Variants in NAA38 observed in about 807,000 individuals in gnomAD.
NAA38 encodes LSM domain containing 1.
NAA38 carries 15 observed loss-of-function variants against 12.6 expected under a neutral mutation model. The observed-to-expected ratio is 1.19, with a 90% CI of 0.79 to 1.83. The LOEUF is 1.83. Ranked by LOEUF, NAA38 falls within the 40% of genes most tolerant of loss-of-function variation. The pLI is 0.00. For missense variants in NAA38, 183 were observed against 171.7 expected (o/e 1.07, Z -0.37); for synonymous variants, 88 against 69.9 (o/e 1.26, Z -1.29).
intron 2 of NAA38, among the ~76,000 whole-genome samples, chr17:7,867,364 G>A (rs1401985032): frequency 6.6e-6 from 1 of 152,002 alleles, no homozygotes; most frequent in African/African-American, 2.4e-5. Context: ...TTGAGATGGA[G>A]TCTTGCTCTT....
upstream of NAA38, chr17:7,858,560 G>C: frequency 6.2e-7 from 1 of 1,611,768 alleles, no homozygotes; most frequent in South Asian, 1.1e-5. Context: ...GCTAGCCAGA[G>C]CCTAATGGCT....
intron 2 of NAA38, among the ~76,000 whole-genome samples, chr17:7,869,835 C>T (rs374176604): frequency 1.5e-4 from 23 of 152,072 alleles, no homozygotes; most frequent in African/African-American, 5.3e-4. Context: ...GGCCCAAGAG[C>T]AAGTGAAGGG....
chr17:7,885,049 A>C (rs564008487), intron 1 of NAA38: 112 of 1,019,372 alleles, frequency 1.1e-4, no homozygotes, highest in Non-Finnish European at 1.3e-4. Flanking sequence ...CGCCGCCGCC[A>C]CCGCTGCCCC....
At chr17:7,881,516 G>A (rs1967272022) in intron 2 of NAA38, among the ~76,000 whole-genome samples, 1 of 151,904 alleles carries the variant, frequency 6.6e-6, no homozygotes, top group Non-Finnish European at 1.5e-5. Flanking sequence ...AGGCAAAGGG[G>A]TTACTGAGAG....
intron 1 of NAA38, chr17:7,885,061 G>A: frequency 1.0e-6 from 1 of 954,236 alleles, no homozygotes; most frequent in Non-Finnish European, 1.2e-6. Flanking sequence ...CGCTGCCCCC[G>A]CCGCCGCCGC....
At chr17:7,880,328 C>G (rs1328349009) in intron 2 of NAA38, among the ~76,000 whole-genome samples, 1 of 150,132 alleles carries the variant, frequency 6.7e-6, no homozygotes, top group Non-Finnish European at 1.5e-5. Flanking sequence ...TGGAGAGACA[C>G]AAAGATAGAG....
At chr17:7,858,356 G>T (rs374328082), upstream of NAA38, 10 of 1,613,972 alleles carry the variant, frequency 6.2e-6, no homozygotes, top group Non-Finnish European at 8.5e-6. Context: ...CGTTTGCCTG[G>T]TTCTCGAAGG....
At chr17:7,866,232 GC>G (rs1222528450) in intron 3 of NAA38, 5 of 246,490 alleles carry the variant, frequency 2.0e-5, no homozygotes, top group Non-Finnish European at 3.8e-5. Flanking sequence ...GACTACAGAT[GC>G]CCGCCACCAA....
At chr17:7,857,993 G>GC, upstream of NAA38, 1 of 1,501,138 alleles carries the variant, frequency 6.7e-7, no homozygotes, top group Non-Finnish European at 8.8e-7. Flanking sequence ...GACGGTGGCC[G>GC]GAAAAGGACA....
At chr17:7,859,972 T>C, upstream of NAA38, 1 of 233,516 alleles carries the variant, frequency 4.3e-6, no homozygotes, top group South Asian at 6.7e-5. Context: ...AAATGAGATG[T>C]CTGCAGGAAG....
At chr17:7,874,703 T>C (rs1032293640) in intron 2 of NAA38, among the ~76,000 whole-genome samples, 3 of 150,896 alleles carry the variant, frequency 2.0e-5, no homozygotes, top group Non-Finnish European at 2.9e-5. Flanking sequence ...CTGGCCAACA[T>C]GGTGAAACCC....
chr17:7,881,080 C>G (rs1200807240), intron 2 of NAA38, among the ~76,000 whole-genome samples: 1 of 151,990 alleles, frequency 6.6e-6, no homozygotes, highest in Non-Finnish European at 1.5e-5. Flanking sequence ...AGCAAGCAAG[C>G]AAAAAGACTT....
Position 7,884,478 on chromosome 17 carries a change from G to GTA in NAA38, c.-167+685_-167+686dup, listed in dbSNP as rs1298787817. ...TATACATATATATATATATATATAT[G>GTA]TATATATATATATATTTTAAATCCC... On this transcript the variant is annotated intron_variant, in intron 1 of 4. Transcript: ENST00000576861. Among the ~76,000 whole-genome samples the GTA allele has an allele frequency of 4.5e-3, 471 of 105,346 alleles. 2 individuals are homozygous for GTA. The highest frequency in any genetic ancestry group is 7.7e-3 in the Admixed American group (78 of 10,160). 69.1% of individuals were successfully genotyped at this position (105,346 alleles called of 152,430 possible).
At chr17:7,884,868 A>G in intron 1 of NAA38, 3 of 1,260,332 alleles carry the variant, frequency 2.4e-6, no homozygotes, top group Non-Finnish European at 3.2e-6. Flanking sequence ...TCGGAGGAGG[A>G]AGAAGAGGAG....
Position 7,882,259 on chromosome 17 carries a change from G to A in NAA38, c.-66+976C>T, listed in dbSNP as rs377764290. Among the ~76,000 whole-genome samples, 41 of 152,216 alleles carry A rather than the reference G, an allele frequency of 2.7e-4. No individual in the cohort carries two copies. The South Asian group carries it at 7.5e-3, about 28-fold the overall frequency. On this transcript the variant is annotated intron_variant, in intron 2 of 4. Transcript: ENST00000576861. ...GAGGGCACAGAGGCAGAGAGGCTGCGGCGCACATGATGCGCAGTGTGGCCC... is the reference window on the plus strand; with the variant it reads ...GAGGGCACAGAGGCAGAGAGGCTGCAGCGCACATGATGCGCAGTGTGGCCC...
At chr17:7,857,977 T>G, upstream of NAA38, 1 of 1,487,034 alleles carries the variant, frequency 6.7e-7, no homozygotes, top group Admixed American at 2.4e-5. Flanking sequence ...GATATTTATC[T>G]CAGTGGACGG....
intron 1 of NAA38, among the ~76,000 whole-genome samples, chr17:7,883,673 C>T (rs2151396226): frequency 6.6e-6 from 1 of 152,106 alleles, no homozygotes; most frequent in East Asian, 1.9e-4. Flanking sequence ...AATCCAGTCC[C>T]GCTTCTCATT....
At chr17:7,858,731 G>T, upstream of NAA38, 1 of 1,607,242 alleles carries the variant, frequency 6.2e-7, no homozygotes, top group Non-Finnish European at 8.5e-7. Context: ...AGCCCTGGTG[G>T]CAGGGGTCGT....
intron 2 of NAA38, among the ~76,000 whole-genome samples, chr17:7,869,234 G>A (rs1967042000): frequency 6.6e-6 from 1 of 152,160 alleles, no homozygotes. Flanking sequence ...TTTTACAGAT[G>A]GAGGAGCTGA....
Sources: gnomAD v4.1 joint callset for allele counts (sites outside exome capture counted in the v4.1 genomes callset) on GRCh38, gnomAD v4.1.1 for gene constraint, MANE v1.5 for transcripts, NCBI Gene and HGNC (gene_info 2026-07-23, HGNC 2026-07-21) for gene names.